Variants in BLVRB observed in about 807,000 individuals in gnomAD.
BLVRB encodes the protein flavin reductase (NADPH).
In BLVRB, 25 loss-of-function variants were observed where a neutral mutation model predicts 21.1. That is an observed-to-expected ratio of 1.19 (90% CI 0.86 to 1.66). The LOEUF is 1.66. Ranked by LOEUF, BLVRB falls within the 40% of genes most tolerant of loss-of-function variation. The probability of loss-of-function intolerance (pLI) is 0.00; values close to 1 mark genes in which losing one functional copy is unlikely to be tolerated. For missense variants in BLVRB, 274 were observed against 282.7 expected (o/e 0.97, Z 0.22); for synonymous variants, 128 against 122.2 (o/e 1.05, Z -0.31).
At chr19:40,462,900 A>AG (rs2079794698) in intron 1 of BLVRB, among the ~76,000 whole-genome samples, 2 of 150,680 alleles carry the variant, frequency 1.3e-5, no homozygotes, top group South Asian at 4.2e-4. Context: ...CTCAAAAAAA[A>AG]AAAAAAAAAA....
At position 40,447,872 on chromosome 19, in the gene BLVRB, C is replaced by A. The variant is rs2079720892; in HGVS notation, c.*17G>T. 5.0e-6 allele frequency: 8 copies of A among 1,602,356 alleles called. No individual in the cohort carries two copies. Among genetic ancestry groups the A allele is most frequent in the Non-Finnish European group, 6.8e-6 (8 of 1,170,678 alleles). Reference sequence around the variant, plus strand: ...CTCATGTCCCAGAATGCCACCCTCCCAGATGGGGACAGAGTGCTACTGGTA... The same window carrying A: ...CTCATGTCCCAGAATGCCACCCTCCAAGATGGGGACAGAGTGCTACTGGTA... On this transcript the variant is annotated 3_prime_UTR_variant, in exon 5 of 5. Coordinates refer to ENST00000263368, the MANE Select transcript of BLVRB (RefSeq NM_000713.3).
intron 3 of BLVRB, among the ~76,000 whole-genome samples, chr19:40,455,967 C>T (rs2145779644): frequency 6.6e-6 from 1 of 151,916 alleles, no homozygotes; most frequent in African/African-American, 2.4e-5. Flanking sequence ...CAAAAATTAG[C>T]CAGCCTTATA....
intron 3 of BLVRB, among the ~76,000 whole-genome samples, chr19:40,451,734 T>C (rs1363058079): frequency 6.6e-6 from 1 of 152,148 alleles, no homozygotes; most frequent in Admixed American, 6.5e-5. Context: ...GGTTTTGCCA[T>C]GTTGGCCAGG....
intron 3 of BLVRB, among the ~76,000 whole-genome samples, chr19:40,456,430 GT>G (rs570590335): frequency 1.2e-4 from 16 of 133,766 alleles, no homozygotes; most frequent in South Asian, 7.3e-4. Flanking sequence ...CTCTATGTTT[GT>G]TTTTTTTTTA....
In BLVRB at chr19:40,458,442, C is replaced by A; in HGVS notation, c.183G>T (p.Val61=). ...VVGDVLQAAD[V]DKTVAGQDAV... Reference sequence around the variant, plus strand: ...CGTCCTGCCCAGCCACGGTCTTGTCCACATCGGCTGCCTGCAGAACATCTC... The same window carrying A: ...CGTCCTGCCCAGCCACGGTCTTGTCAACATCGGCTGCCTGCAGAACATCTC... Residue 61 remains valine, a synonymous_variant, in exon 2 of 5, where the codon GTG becomes GTT. Transcript: ENST00000263368. The A allele has an allele frequency of 6.3e-7, 1 of 1,597,604 alleles. No individual in the cohort carries two copies. The highest frequency in any genetic ancestry group is 1.7e-5 in the Admixed American group (1 of 57,666).
At chr19:40,454,349 G>A (rs902197974) in intron 3 of BLVRB, among the ~76,000 whole-genome samples, 12 of 151,962 alleles carry the variant, frequency 7.9e-5, no homozygotes, top group Middle Eastern at 6.8e-3. Context: ...GGCTGGTCTC[G>A]AACTCCTGAC....
At chr19:40,458,328 C>T (rs890915133) in intron 2 of BLVRB, 53 bp downstream of exon 2, 2 of 1,499,652 alleles carry the variant, frequency 1.3e-6, no homozygotes, top group Non-Finnish European at 1.8e-6. Context: ...GCGGGGGTGG[C>T]GCTGGGGGCC....
At chr19:40,454,972 T>C (rs268696) in intron 3 of BLVRB, among the ~76,000 whole-genome samples, 48 of 151,974 alleles carry the variant, frequency 3.2e-4, no homozygotes, top group African/African-American at 7.2e-4. Context: ...TTCCCAAGTA[T>C]TGGGGACCAC....
intron 3 of BLVRB, among the ~76,000 whole-genome samples, chr19:40,452,529 G>A (rs1275010654): frequency 6.6e-6 from 1 of 150,608 alleles, no homozygotes. Flanking sequence ...CACCCAGGCT[G>A]CAGTGCAATG....
intron 3 of BLVRB, among the ~76,000 whole-genome samples, chr19:40,456,291 C>G (rs1005774301): frequency 6.6e-6 from 1 of 151,996 alleles, no homozygotes; most frequent in African/African-American, 2.4e-5. Flanking sequence ...GACTCAATGG[C>G]TCATACCTGT....
At chr19:40,454,966 C>A (rs535867853) in intron 3 of BLVRB, among the ~76,000 whole-genome samples, 1 of 152,270 alleles carries the variant, frequency 6.6e-6, no homozygotes, top group African/African-American at 2.4e-5. Context: ...CTAAGCTTCC[C>A]AAGTATTGGG....
intron 1 of BLVRB, among the ~76,000 whole-genome samples, chr19:40,464,256 A>AT (rs149934847): frequency 0.063 from 9,364 of 147,784 alleles, 850 homozygotes; most frequent in African/African-American, 0.21. Flanking sequence ...CAGCTAATTT[A>AT]TTTTTTTTTT....
rs754185247 is a variant in BLVRB, at chr19:40,458,237, CGTG to C, written c.249_251del (p.Thr85del). The C allele has an allele frequency of 6.6e-7, 1 of 1,520,560 alleles. No individual in the cohort carries two copies. Among genetic ancestry groups the C allele is most frequent in the East Asian group, 2.8e-5 (1 of 35,712 alleles). 94.2% of individuals were successfully genotyped at this position (1,520,560 alleles called of 1,614,324 possible). A position where few individuals can be genotyped will look rare whatever the true frequency, so the allele number is the denominator to read the frequency against. On this transcript the variant is annotated inframe_deletion, in exon 3 of 5. Transcript: ENST00000263368. ...TCCGGGCGCCCTCGGACATCACTGT[CGTG>C]GGACCTTAGAGGGGACAGAGAGTGG... is the stretch of plus-strand genomic sequence containing the variant.
At chr19:40,464,962 C>G (rs913019570) in intron 1 of BLVRB, among the ~76,000 whole-genome samples, 1 of 152,122 alleles carries the variant, frequency 6.6e-6, no homozygotes, top group Admixed American at 6.6e-5. Flanking sequence ...TGGGGCAACT[C>G]CAAATTTTCA....
At chr19:40,453,126 G>C (rs1660491397) in intron 3 of BLVRB, among the ~76,000 whole-genome samples, 1 of 152,154 alleles carries the variant, frequency 6.6e-6, no homozygotes, top group African/African-American at 2.4e-5. Context: ...GCCCAGGCTA[G>C]TTTTGAACTC....
intron 3 of BLVRB, among the ~76,000 whole-genome samples, chr19:40,456,804 T>C (rs1327374389): frequency 1.3e-5 from 2 of 151,928 alleles, no homozygotes; most frequent in African/African-American, 4.8e-5. Context: ...GGAGAATCAC[T>C]GTGGGCCACG....
At chr19:40,452,268 C>T (rs2079743180) in intron 3 of BLVRB, among the ~76,000 whole-genome samples, 1 of 152,186 alleles carries the variant, frequency 6.6e-6, no homozygotes, top group Admixed American at 6.6e-5. Context: ...TTCTGCCTCC[C>T]AGCCTTGGCA....
chr19:40,458,536 A>C lies in BLVRB; in HGVS notation c.89T>G (p.Val30Gly). The change falls in exon 2 of 5, where the codon GTG (valine) becomes GGG (glycine). Residue 30 changes from valine (V) to glycine (G), a missense_variant. Transcript: ENST00000263368. ...GGAGGAGTCCCGCACCAGCACTGTC[A>C]CTTCGTAACCTGTGGGCAAAGAGGA... Reference protein sequence around the residue: ...LAQAVQAGYEVTVLVRDSSRL... With the variant: ...LAQAVQAGYEGTVLVRDSSRL... The C allele has an allele frequency of 1.9e-6, 3 of 1,607,554 alleles. No homozygotes were observed. Among genetic ancestry groups the C allele is most frequent in the Non-Finnish European group, 2.5e-6 (3 of 1,176,780 alleles).
At chr19:40,458,643 C>G in intron 1 of BLVRB, 98 bp from the exon 2 acceptor site, 2 of 1,388,030 alleles carry the variant, frequency 1.4e-6, no homozygotes, top group Non-Finnish European at 1.9e-6. Flanking sequence ...TCAAATCCAT[C>G]CCCTCCTCTG....
Sources: allele counts gnomAD v4.1 joint callset (sites outside exome capture counted in the v4.1 genomes callset), GRCh38; gene constraint gnomAD v4.1.1; transcripts MANE v1.5; gene names NCBI Gene and HGNC (gene_info 2026-07-23, HGNC 2026-07-21).